Variants in PROSER2 observed in about 807,000 individuals in gnomAD.
PROSER2 encodes proline and serine-rich protein 2.
In PROSER2, 18 loss-of-function variants were observed where a neutral mutation model predicts 14.6. The observed-to-expected ratio is 1.23, with a 90% CI of 0.85 to 1.83. The LOEUF (loss-of-function observed/expected upper bound fraction) is 1.83. PROSER2 is among the 40% of genes most tolerant of loss of function. The probability of loss-of-function intolerance (pLI) is 0.00; values close to 1 mark genes in which losing one functional copy is unlikely to be tolerated. For missense variants in PROSER2, 823 were observed against 629.8 expected (o/e 1.31, Z -3.28); for synonymous variants, 367 against 286.4 (o/e 1.28, Z -2.84).
At position 11,869,818 on chromosome 10, in the gene PROSER2, G is replaced by C. The variant is rs1309230510; in HGVS notation, c.720G>C (p.Pro240=). 6.4e-7 allele frequency: 1 copy of C among 1,566,356 alleles called. No individual in the cohort carries two copies. Among genetic ancestry groups the C allele is most frequent in the East Asian group, 2.3e-5 (1 of 43,174 alleles). The change falls in exon 4 of 4, where the codon CCG becomes CCC. Residue 240 remains proline (P), a synonymous_variant. Transcript: ENST00000277570. This position sits in a 1 kb window ranked among gnomAD's most constrained non-coding sequence, Gnocchi z 4.4. The part of the protein sequence containing the change: ...ARGPRSGDPG[P]GPSHPAQPKA... The stretch of plus-strand genomic sequence containing the variant: ...GGCCCCGCAGTGGAGACCCTGGCCC[G>C]GGGCCCAGCCACCCGGCGCAGCCCA...
At chr10:11,833,459 G>A (rs1258666032) in intron 1 of PROSER2, among the ~76,000 whole-genome samples, 1 of 151,972 alleles carries the variant, frequency 6.6e-6, no homozygotes, top group South Asian at 2.1e-4. Flanking sequence ...GGGAGGCCAA[G>A]AGGGGTGGAT....
intron 1 of PROSER2, among the ~76,000 whole-genome samples, chr10:11,839,822 CA>C (rs1209509215): frequency 0.038 from 2,301 of 60,854 alleles, 33 homozygotes; most frequent in African/African-American, 0.11. Context: ...GAGATTGTCT[CA>C]AAAAAAAAAA....
chr10:11,839,674 A>G lies in PROSER2; in HGVS notation c.-81-12323A>G, dbSNP rs982559219. On this transcript the variant is annotated intron_variant, in intron 1 of 3. Coordinates refer to ENST00000277570, the MANE Select transcript of PROSER2 (RefSeq NM_153256.4). ...ATCCCGTCTCTACTAAAAACACAAA[A>G]ATTAGCTAGATGTGGTGGGGGGCAC... Among the ~76,000 whole-genome samples the G allele has an allele frequency of 3.2e-4, 49 of 151,830 alleles. 1 individual carries two copies. Among genetic ancestry groups the G allele is most frequent in the Non-Finnish European group, 5.7e-4 (39 of 67,978 alleles).
At chr10:11,859,867 A>G (rs186204986) in intron 2 of PROSER2, among the ~76,000 whole-genome samples, 2 of 152,338 alleles carry the variant, frequency 1.3e-5, no homozygotes, top group East Asian at 3.9e-4. Context: ...GCCCATTTGC[A>G]GTCACTGCCC....
rs1485159827 is a variant in PROSER2, at chr10:11,866,675, G to A, written c.283G>A (p.Glu95Lys). ...GTGCTGCCTCTGCTCCCCGTCTCTG[G>A]AGGAGAGCACCTCCAGTCCCTCCGA... Reference protein sequence around the residue: ...GVCCLCSPSLEESTSSPSEPE... With the variant: ...GVCCLCSPSLKESTSSPSEPE... Residue 95 changes from glutamate (E) to lysine (K), a missense_variant, in exon 3 of 4, where the codon GAG (glutamate) becomes AAG (lysine). Coordinates refer to ENST00000277570, the MANE Select transcript of PROSER2 (RefSeq NM_153256.4). The surrounding 1 kb of genome is among the most constrained non-coding windows in gnomAD (Gnocchi z 6.0). The A allele has an allele frequency of 1.9e-6, 3 of 1,613,974 alleles. No homozygotes were observed. In the African/African-American group the frequency reaches 4.0e-5, roughly 22 times the overall value.
intron 1 of PROSER2, among the ~76,000 whole-genome samples, chr10:11,848,824 CAT>C (rs1833966766): frequency 6.6e-6 from 1 of 152,330 alleles, no homozygotes; most frequent in East Asian, 1.9e-4. Context: ...TACATTTCCA[CAT>C]CTTTGTTGAT....
At chr10:11,829,354 G>A (rs1220538452) in intron 1 of PROSER2, among the ~76,000 whole-genome samples, 2 of 151,408 alleles carry the variant, frequency 1.3e-5, no homozygotes, top group African/African-American at 4.9e-5. Context: ...GGAGGCCAAG[G>A]TGGGAGGATT....
rs1834320144 is a variant in PROSER2 at position 11,865,115 on chromosome 10, CCT to C, written c.139-1412_139-1411del. The stretch of plus-strand genomic sequence containing the variant: ...GAATTATTTTATTTTATAATTTCTT[CCT>C]CTCATTTTCTCTGATTTCTCTCTCT... On this transcript the variant is annotated intron_variant, in intron 2 of 3. Transcript: ENST00000277570. The surrounding 1 kb of genome is among the most constrained non-coding windows in gnomAD (Gnocchi z 4.2). Among the ~76,000 whole-genome samples, 1 of 152,020 alleles carries C rather than the reference CCT, an allele frequency of 6.6e-6. No homozygotes were observed. Among genetic ancestry groups the C allele is most frequent in the South Asian group, 2.1e-4 (1 of 4,816 alleles).
intron 1 of PROSER2, among the ~76,000 whole-genome samples, chr10:11,849,196 A>C (rs1833974985): frequency 6.6e-6 from 1 of 151,878 alleles, no homozygotes; most frequent in Non-Finnish European, 1.5e-5. Context: ...CAAAAAAAAA[A>C]CAAAAAAACA....
intron 1 of PROSER2, among the ~76,000 whole-genome samples, chr10:11,824,284 T>C (rs189564345): frequency 4.0e-4 from 61 of 152,240 alleles, no homozygotes; most frequent in Middle Eastern, 6.8e-3. Flanking sequence ...AACGTTCAGA[T>C]CTGTAGGAAG....
In PROSER2 at chr10:11,838,483, G is replaced by A. The variant is rs2131054706; in HGVS notation, c.-81-13514G>A. ...CAGGCAACACTGTATACCCATCCCG[G>A]CACGTGTTTCCACATGTTCCTAGTA... On this transcript the variant is annotated intron_variant, in intron 1 of 3. Coordinates refer to ENST00000277570, the MANE Select transcript of PROSER2 (RefSeq NM_153256.4). The surrounding 1 kb of genome is among the most constrained non-coding windows in gnomAD (Gnocchi z 4.4). Among the ~76,000 whole-genome samples, 1 of 152,324 alleles carries A rather than the reference G, an allele frequency of 6.6e-6. No individual in the cohort carries two copies. The highest frequency in any genetic ancestry group is 1.5e-5 in the Non-Finnish European group (1 of 68,034).
intron 1 of PROSER2, among the ~76,000 whole-genome samples, chr10:11,842,923 C>T: frequency 1.1e-5 from 1 of 94,440 alleles, no homozygotes; most frequent in African/African-American, 3.3e-5. Context: ...TACTATTTTG[C>T]CATTGTTCTT....
Position 11,869,693 on chromosome 10 carries a change from CAGA to C in PROSER2, c.599_601del (p.Lys200del), listed in dbSNP as rs775886036. 4.0e-5 allele frequency: 64 copies of C among 1,598,004 alleles called. No homozygotes were observed. Among genetic ancestry groups the C allele is most frequent in the Non-Finnish European group, 4.6e-5 (54 of 1,173,008 alleles). On this transcript the variant is annotated inframe_deletion, in exon 4 of 4. Transcript: ENST00000277570. The surrounding 1 kb of genome is among the most constrained non-coding windows in gnomAD (Gnocchi z 4.4). Reference sequence around the variant, plus strand: ...TGTTCCCACGCCCCTCGTTATGGCGCAGAAGATTTCCGAGAGGATGGCGGGGAA... The same window carrying C: ...TGTTCCCACGCCCCTCGTTATGGCGCAGATTTCCGAGAGGATGGCGGGGAA...
At chr10:11,834,245 G>A (rs567646399) in intron 1 of PROSER2, among the ~76,000 whole-genome samples, 13 of 148,088 alleles carry the variant, frequency 8.8e-5, no homozygotes, top group Non-Finnish European at 1.6e-4. Context: ...TACCCACCTC[G>A]GCCTCCCAAA....
rs139433870 is a variant in PROSER2, at chr10:11,837,827, GGGTTAACCGTTCCCT to G, written c.-81-14164_-81-14150del. ...CTTAGATTCTTCAGTAAAGTGCGTTGGGTTAACCGTTCCCTGGTTAGTTTTGAGCTGAACTGTGAT... is the reference window on the plus strand; with the variant it reads ...CTTAGATTCTTCAGTAAAGTGCGTTGGGTTAGTTTTGAGCTGAACTGTGAT... On this transcript the variant is annotated intron_variant, in intron 1 of 3. Coordinates refer to ENST00000277570, the MANE Select transcript of PROSER2 (RefSeq NM_153256.4). This position sits in a 1 kb window ranked among gnomAD's most constrained non-coding sequence, Gnocchi z 4.6. 9.8e-3 allele frequency among the ~76,000 whole-genome samples: 1,491 copies of G among 152,210 alleles called. 21 individuals carry two copies. The highest frequency in any genetic ancestry group is 0.034 in the African/African-American group (1,425 of 41,526).
chr10:11,869,711 A>G lies in PROSER2; in HGVS notation c.613A>G (p.Met205Val). ...LVMAQKISER[M>V]AGNEALSPTS... ...TATGGCGCAGAAGATTTCCGAGAGG[A>G]TGGCGGGGAACGAAGCCCTCTCGCC... is the stretch of plus-strand genomic sequence containing the variant. The change falls in exon 4 of 4, where the codon ATG (methionine) becomes GTG (valine). Residue 205 changes from methionine to valine, a missense_variant. Transcript: ENST00000277570. This position sits in a 1 kb window ranked among gnomAD's most constrained non-coding sequence, Gnocchi z 4.4. The G allele has an allele frequency of 6.3e-7, 1 of 1,594,926 alleles. No homozygotes were observed. The highest frequency in any genetic ancestry group is 8.5e-7 in the Non-Finnish European group (1 of 1,171,678).
rs576410557 is a variant in PROSER2, at chr10:11,865,485, C to T, written c.139-1046C>T. Among the ~76,000 whole-genome samples, 22 of 152,270 alleles carry T rather than the reference C, an allele frequency of 1.4e-4. 1 individual carries two copies. The highest frequency in any genetic ancestry group is 4.1e-4 in the African/African-American group (17 of 41,546). The stretch of plus-strand genomic sequence containing the variant: ...ACATTAACAGTTTTCCTCAGATGCT[C>T]GGTGGTTATTAGATATCTGCGCATA... On this transcript the variant is annotated intron_variant, in intron 2 of 3. Coordinates refer to ENST00000277570, the MANE Select transcript of PROSER2 (RefSeq NM_153256.4). The surrounding 1 kb of genome is among the most constrained non-coding windows in gnomAD (Gnocchi z 4.2).
In PROSER2 at chr10:11,852,169, G is replaced by T. The variant is rs747537574; in HGVS notation, c.92G>T (p.Ser31Ile). 1.2e-6 allele frequency: 2 copies of T among 1,613,408 alleles called. No individual in the cohort carries two copies. The highest frequency in any genetic ancestry group is 2.2e-5 in the South Asian group (2 of 90,810). ...CRLRAFSRGG[S>I]LESRSSSSRS... ...CTCCGAGCCTTCAGCAGAGGCGGCA[G>T]CCTGGAGAGTCGAAGCAGCAGCTCT... The change falls in exon 2 of 4, where the codon AGC (serine) becomes ATC (isoleucine). Residue 31 changes from serine to isoleucine, a missense_variant. Coordinates refer to ENST00000277570, the MANE Select transcript of PROSER2 (RefSeq NM_153256.4).
At chr10:11,855,917 A>C (rs531717389) in intron 2 of PROSER2, among the ~76,000 whole-genome samples, 1 of 152,150 alleles carries the variant, frequency 6.6e-6, no homozygotes, top group Admixed American at 6.6e-5. Context: ...ATTTCTCAAG[A>C]GGCTAGTTGT....
Sources: allele counts gnomAD v4.1 joint callset (sites outside exome capture counted in the v4.1 genomes callset), GRCh38; gene constraint gnomAD v4.1.1; non-coding constraint Gnocchi (gnomAD v3.1); transcripts MANE v1.5; gene names NCBI Gene and HGNC (gene_info 2026-07-23, HGNC 2026-07-21).